CNIH4: variants seen among roughly 807,000 people sequenced by gnomAD.
The protein encoded by CNIH4 is protein cornichon homolog 4.
A neutral mutation model predicts 21.5 loss-of-function variants in CNIH4; 9 were observed. The ratio of observed to expected loss-of-function variants is 0.42; its 90% CI spans 0.25 to 0.73. The LOEUF (loss-of-function observed/expected upper bound fraction) is 0.73, where lower values mean the gene tolerates loss of function less well. CNIH4 is among the 30% of genes least tolerant of loss of function. The pLI is 0.27. For synonymous variants in CNIH4, 67 were observed against 59.1 expected (o/e 1.13, Z -0.61); for missense variants, 159 against 170.0 (o/e 0.94, Z 0.36).
Position 224,376,222 on chromosome 1 carries a change from CTG to C in CNIH4, c.*402_*403del. ...TGAAAAGTTAGAGTACAAAACAACA[CTG>C]TTGATCTGGACAAAAGAAGAAAAAT... On this transcript the variant is annotated 3_prime_UTR_variant, in exon 5 of 5. Coordinates refer to ENST00000465271, the MANE Select transcript of CNIH4 (RefSeq NM_014184.4). 1 of 994,978 alleles carries C rather than the reference CTG, an allele frequency of 1.0e-6. No homozygotes were observed. 61.6% of individuals were successfully genotyped at this position (994,978 alleles called of 1,614,324 possible). A position where few individuals can be genotyped will look rare whatever the true frequency, so the allele number is the denominator to read the frequency against.
Position 224,376,519 on chromosome 1 carries a change from C to G in CNIH4, c.*697C>G. ...CCCAAACCCAGAAAATCCCCACTGGCTCTTGCCAGTCTGGTTTTCGTATTG... is the reference window on the plus strand; with the variant it reads ...CCCAAACCCAGAAAATCCCCACTGGGTCTTGCCAGTCTGGTTTTCGTATTG... On this transcript the variant is annotated 3_prime_UTR_variant, in exon 5 of 5. Transcript: ENST00000465271. 3 of 985,422 alleles carry G rather than the reference C, an allele frequency of 3.0e-6. No homozygotes were observed. Among genetic ancestry groups the G allele is most frequent in the Non-Finnish European group, 3.6e-6 (3 of 829,926 alleles). The allele number at this position is 985,422 out of a possible 1,614,324, so 61.0% of individuals were successfully genotyped here.
chr1:224,371,097 G>A (rs1672611007), intron 3 of CNIH4, among the ~76,000 whole-genome samples, 186 bp from the exon 4 acceptor site: 1 of 152,110 alleles, frequency 6.6e-6, no homozygotes, highest in Non-Finnish European at 1.5e-5. Context: ...AGCTGGTCTT[G>A]AACTCCTGAC....
At position 224,375,394 on chromosome 1, in the gene CNIH4, G is replaced by C. The variant is rs562868832; in HGVS notation, c.393-401G>C. ...TAAGAAGTTACTGCTTTGATGGAGT[G>C]GTGGGATGGGGAGAAGAGGTTCCAG... is the stretch of plus-strand genomic sequence containing the variant. On this transcript the variant is annotated intron_variant, in intron 4 of 4. Coordinates refer to ENST00000465271, the MANE Select transcript of CNIH4 (RefSeq NM_014184.4). Among the ~76,000 whole-genome samples the C allele has an allele frequency of 3.1e-3, 470 of 152,274 alleles. 1 individual carries two copies. Among genetic ancestry groups the C allele is most frequent in the African/African-American group, 0.01 (435 of 41,554 alleles).
chr1:224,370,875 C>CTTT (rs34962459), intron 3 of CNIH4, among the ~76,000 whole-genome samples: 1 of 135,190 alleles, frequency 7.4e-6, no homozygotes, highest in Non-Finnish European at 1.6e-5. Flanking sequence ...GATTGGCTCA[C>CTTT]TTTTTTTTTT....
rs535335915 is a variant in CNIH4 at position 224,357,035 on chromosome 1, C to G, written c.69+42C>G. 6.9e-6 allele frequency: 11 copies of G among 1,585,526 alleles called. No homozygotes were observed. In the South Asian group the frequency reaches 1.3e-4, roughly 18 times the overall value. ...CAGGCGAACGCCTTGCCGGGGGACA[C>G]GGCTGAGGGTGGGCCAGTTGGGCAC... On this transcript the variant is annotated intron_variant, in intron 1 of 4. Coordinates refer to ENST00000465271, the MANE Select transcript of CNIH4 (RefSeq NM_014184.4).
chr1:224,377,036 T>C lies in CNIH4; in HGVS notation c.*1214T>C. ...GGTGTGTGGTACCCAAAAGATTAAA[T>C]GTTACATGTCCTTTTAGTCCTTGAC... On this transcript the variant is annotated 3_prime_UTR_variant, in exon 5 of 5. Transcript: ENST00000465271. 1 of 486,864 alleles carries C rather than the reference T, an allele frequency of 2.1e-6. No individual in the cohort carries two copies. The highest frequency in any genetic ancestry group is 2.7e-6 in the Non-Finnish European group (1 of 374,402). 30.2% of individuals were successfully genotyped at this position (486,864 alleles called of 1,614,324 possible). A position where few individuals can be genotyped will look rare whatever the true frequency, so the allele number is the denominator to read the frequency against.
chr1:224,364,505 G>C (rs1572123763), intron 2 of CNIH4: 2 of 466,816 alleles, frequency 4.3e-6, no homozygotes, highest in East Asian at 3.1e-4. Flanking sequence ...CTTAGAGAGG[G>C]TAACTTTTCC....
intron 3 of CNIH4, among the ~76,000 whole-genome samples, chr1:224,368,116 A>G (rs1434277757): frequency 2.0e-5 from 3 of 152,216 alleles, no homozygotes; most frequent in African/African-American, 7.2e-5. Flanking sequence ...GGATTACCTG[A>G]GGTCAGGAGT....
In CNIH4 at chr1:224,376,070, G is replaced by T; in HGVS notation, c.*248G>T. ...TGAAGGTGTTTTTCATCCTCTGTAT[G>T]TTGAAGGTGGTTATTTGTATGTAGG... is the stretch of plus-strand genomic sequence containing the variant. On this transcript the variant is annotated 3_prime_UTR_variant, in exon 5 of 5. Transcript: ENST00000465271. 8.3e-7 allele frequency: 1 copy of T among 1,198,854 alleles called. No individual in the cohort carries two copies. Among genetic ancestry groups the T allele is most frequent in the Non-Finnish European group, 1.0e-6 (1 of 963,798 alleles). The allele number at this position is 1,198,854 out of a possible 1,614,324, so 74.3% of individuals were successfully genotyped here. A position where few individuals can be genotyped will look rare whatever the true frequency, so the allele number is the denominator to read the frequency against.
At chr1:224,373,524 G>A (rs1161048725) in intron 4 of CNIH4, among the ~76,000 whole-genome samples, 3 of 152,030 alleles carry the variant, frequency 2.0e-5, no homozygotes, top group Non-Finnish European at 4.4e-5. Flanking sequence ...ACTCTTAGTC[G>A]TAGAATTTAA....
intron 2 of CNIH4, chr1:224,364,028 G>C (rs1165106509): frequency 1.0e-6 from 1 of 984,908 alleles, no homozygotes; most frequent in Non-Finnish European, 1.2e-6. Flanking sequence ...GGAGGGAAGA[G>C]ACAAAAAACA....
rs1672853814 is a variant in CNIH4 at position 224,379,145 on chromosome 1, G to T, written c.*3323G>T. The T allele has an allele frequency of 7.1e-6, 11 of 1,542,058 alleles. No individual in the cohort carries two copies. In the South Asian group the frequency reaches 1.3e-4, roughly 18 times the overall value. On this transcript the variant is annotated 3_prime_UTR_variant, in exon 5 of 5. Coordinates refer to ENST00000465271, the MANE Select transcript of CNIH4 (RefSeq NM_014184.4). ...GAAGCGAAATCCAAGATGCAGCTCA[G>T]TTCATCAAAGCCTAGCAGGTCCCCT...
intron 3 of CNIH4, among the ~76,000 whole-genome samples, chr1:224,370,411 C>T (rs1326674047): frequency 1.3e-5 from 2 of 152,160 alleles, no homozygotes; most frequent in Non-Finnish European, 1.5e-5. Flanking sequence ...AGCTGTGTGA[C>T]AACTAAGGTT....
chr1:224,357,943 C>A, intron 1 of CNIH4, among the ~76,000 whole-genome samples: 1 of 152,152 alleles, frequency 6.6e-6, no homozygotes, highest in East Asian at 1.9e-4. Context: ...TAAGAAAAAA[C>A]GTATGAGGAA....
chr1:224,361,510 T>G (rs1260818690), intron 2 of CNIH4, among the ~76,000 whole-genome samples: 3 of 151,646 alleles, frequency 2.0e-5, no homozygotes, highest in Non-Finnish European at 4.4e-5. Flanking sequence ...TCCTGCTGTC[T>G]TGGCAAAGTG....
Position 224,376,290 on chromosome 1 carries a change from G to T in CNIH4, c.*468G>T. 1.0e-6 allele frequency: 1 copy of T among 985,826 alleles called. No individual in the cohort carries two copies. Among genetic ancestry groups the T allele is most frequent in the South Asian group, 4.7e-5 (1 of 21,284 alleles). 61.1% of individuals were successfully genotyped at this position (985,826 alleles called of 1,614,324 possible). The stretch of plus-strand genomic sequence containing the variant: ...TGTTGTGACAACTTCATTTAATATG[G>T]TTTAAAGATTTATGAGACTGTCAGC... On this transcript the variant is annotated 3_prime_UTR_variant, in exon 5 of 5. Coordinates refer to ENST00000465271, the MANE Select transcript of CNIH4 (RefSeq NM_014184.4).
At chr1:224,369,287 T>G (rs1672555152) in intron 3 of CNIH4, among the ~76,000 whole-genome samples, 1 of 152,160 alleles carries the variant, frequency 6.6e-6, no homozygotes, top group African/African-American at 2.4e-5. Context: ...CCTGTGTGTT[T>G]TAGAGATGAG....
intron 2 of CNIH4, chr1:224,364,326 G>C: frequency 1.0e-6 from 1 of 985,306 alleles, no homozygotes; most frequent in East Asian, 1.1e-4. Flanking sequence ...AGAGACTGAA[G>C]GCTATAGCTT....
At chr1:224,368,687 C>A (rs1672536270) in intron 3 of CNIH4, among the ~76,000 whole-genome samples, 1 of 151,232 alleles carries the variant, frequency 6.6e-6, no homozygotes, top group Non-Finnish European at 1.5e-5. Context: ...GATAGAGTCT[C>A]ACTCTGTTGC....
Sources: allele counts gnomAD v4.1 joint callset (sites outside exome capture counted in the v4.1 genomes callset), GRCh38; gene constraint gnomAD v4.1.1; transcripts MANE v1.5; gene names NCBI Gene and HGNC (gene_info 2026-07-23, HGNC 2026-07-21).